LCORL: variants seen among roughly 807,000 people sequenced by gnomAD.
The protein encoded by LCORL is ligand-dependent nuclear receptor corepressor-like protein.
Under a neutral mutation model 141.8 loss-of-function variants are expected in LCORL, and 41 were observed. The ratio of observed to expected loss-of-function variants is 0.29; its 90% confidence interval spans 0.23 to 0.38. The LOEUF is 0.38. Among genes scored for constraint, LCORL ranks in the 10% least tolerant of loss-of-function variants. The pLI is 1.00. For synonymous variants in LCORL, 618 were observed against 694.1 expected, an observed-to-expected ratio of 0.89 and a Z score of 1.72; for missense variants, 1,759 against 2,035.0, an observed-to-expected ratio of 0.86 and a Z score of 2.61.
At position 18,021,475 on chromosome 4, in the gene LCORL, T is replaced by TCTCGCTCCCCC; in HGVS notation, c.154+112_154+122dup. ...GGGCCGCCGCGCCGCGCCGCTCCCATCTCGCTCCCCCACCGAACTAACCCG... is the reference window on the plus strand; with the variant it reads ...GGGCCGCCGCGCCGCGCCGCTCCCATCTCGCTCCCCCCTCGCTCCCCCACCGAACTAACCCG... On this transcript the variant is annotated intron_variant, in intron 1 of 7. Coordinates refer to ENST00000635767, the Ensembl canonical transcript of LCORL. The surrounding 1 kb of genome is among the most constrained non-coding windows in gnomAD (Gnocchi z 5.5). 1.3e-6 allele frequency: 1 copy of TCTCGCTCCCCC among 771,912 alleles called. No homozygotes were observed. The highest frequency in any genetic ancestry group is 1.9e-6 in the Non-Finnish European group (1 of 529,876). 47.8% of individuals were successfully genotyped at this position (771,912 alleles called of 1,614,324 possible). A position where few individuals can be genotyped will look rare whatever the true frequency, so the allele number is the denominator to read the frequency against.
chr4:17,876,813 G>C, exon 7 of LCORL: 2 of 1,230,638 alleles, frequency 1.6e-6, no homozygotes, highest in Non-Finnish European at 2.0e-6. Context: ...CATTTTCTCA[G>C]GGGAAGTTGT....
At chr4:17,926,095 A>G (rs1199681916) in intron 4 of LCORL, among the ~76,000 whole-genome samples, 2 of 152,126 alleles carry the variant, frequency 1.3e-5, no homozygotes, top group African/African-American at 4.8e-5. Context: ...AGGCATAATT[A>G]TTACATTACT....
exon 8 of LCORL, chr4:17,842,181 C>G (rs1722475071): frequency 4.4e-6 from 3 of 688,740 alleles, no homozygotes; most frequent in Non-Finnish European, 5.0e-6. Flanking sequence ...ATGGCTAGAA[C>G]AAGTAGGAGA....
chr4:17,885,025 A>T (rs1396321590), intron 6 of LCORL, among the ~76,000 whole-genome samples: 1 of 151,964 alleles, frequency 6.6e-6, no homozygotes, highest in Non-Finnish European at 1.5e-5. Context: ...TATTCTCATG[A>T]TGTTGCTATT....
chr4:18,001,849 AT>A (rs563707894), intron 1 of LCORL, among the ~76,000 whole-genome samples: 243 of 152,200 alleles, frequency 1.6e-3, no homozygotes, highest in Non-Finnish European at 2.6e-3. Context: ...AATAAAACAA[AT>A]TTTTTTTAAA....
chr4:17,908,504 A>G (rs893701178), intron 5 of LCORL, among the ~76,000 whole-genome samples: 1 of 152,176 alleles, frequency 6.6e-6, no homozygotes, highest in Non-Finnish European at 1.5e-5. Flanking sequence ...AGTCCTTCGC[A>G]CACACTTAAA....
intron 4 of LCORL, among the ~76,000 whole-genome samples, chr4:17,925,930 T>C (rs531309615): frequency 1.3e-5 from 2 of 151,176 alleles, no homozygotes; most frequent in African/African-American, 4.9e-5. Context: ...TGTATACACT[T>C]GTACTAAGAA....
exon 8 of LCORL, chr4:17,842,341 G>T: frequency 6.2e-7 from 1 of 1,612,150 alleles, no homozygotes; most frequent in Non-Finnish European, 8.5e-7. Flanking sequence ...CAGCTAGGAC[G>T]AACAGGAGGT....
In LCORL at chr4:17,970,769, T is replaced by G. The variant is rs1198741553; in HGVS notation, c.220+2051A>C. On this transcript the variant is annotated intron_variant, in intron 2 of 7. Coordinates refer to ENST00000635767, the Ensembl canonical transcript of LCORL. The stretch of plus-strand genomic sequence containing the variant: ...TCTCTGAAAACCTCATGGGAAAGAC[T>G]GAAAACATGCTATGTTCCTATATTC... 2.0e-5 allele frequency among the ~76,000 whole-genome samples: 3 copies of G among 152,226 alleles called. No homozygotes were observed. The East Asian group carries it at 5.8e-4, about 29-fold the overall frequency.
At chr4:17,972,792 A>T (rs1716231045) in intron 2 of LCORL, 28 bp downstream of exon 2, 1 of 1,236,090 alleles carries the variant, frequency 8.1e-7, no homozygotes, top group Non-Finnish European at 1.1e-6. Context: ...GGGAAATGAC[A>T]ACTTTTAAAT....
intron 2 of LCORL, among the ~76,000 whole-genome samples, chr4:17,972,353 C>T (rs1468566669): frequency 6.6e-6 from 1 of 151,690 alleles, no homozygotes; most frequent in Non-Finnish European, 1.5e-5. Context: ...CCAATATTCA[C>T]GTGTTTCACT....
chr4:17,977,383 A>G (rs527379868), intron 1 of LCORL, among the ~76,000 whole-genome samples: 5 of 152,288 alleles, frequency 3.3e-5, no homozygotes, highest in South Asian at 2.1e-4. Context: ...GAAAGTTACC[A>G]TGGCTGATTC....
chr4:18,010,951 C>A (rs572872313), intron 1 of LCORL, among the ~76,000 whole-genome samples: 3 of 152,114 alleles, frequency 2.0e-5, no homozygotes, highest in Non-Finnish European at 4.4e-5. Flanking sequence ...CCTCTTTTTA[C>A]CCTTAGCTAG....
At chr4:17,882,065 A>T (rs1727647879) in intron 6 of LCORL, 1 of 984,244 alleles carries the variant, frequency 1.0e-6, no homozygotes. Context: ...TCAGAGACCA[A>T]ATAACTGCTT....
chr4:17,877,550 T>C lies in LCORL; in HGVS notation c.1440A>G (p.Thr480=). Residue 480 remains threonine, a synonymous_variant, in exon 7 of 8, where the codon ACA becomes ACG. Transcript: ENST00000635767. Reference sequence around the variant, plus strand: ...TCTTATTGCTGCTGATTTCTGCTGGTGTGAGAGATGGAGGCTGGTTAATGT... The same window carrying C: ...TCTTATTGCTGCTGATTTCTGCTGGCGTGAGAGATGGAGGCTGGTTAATGT... The C allele has an allele frequency of 2.4e-6, 3 of 1,230,526 alleles. No homozygotes were observed. In the South Asian group the frequency reaches 1.2e-4, roughly 51 times the overall value. The allele number at this position is 1,230,526 out of a possible 1,614,324, so 76.2% of individuals were successfully genotyped here. A position where few individuals can be genotyped will look rare whatever the true frequency, so the allele number is the denominator to read the frequency against.
intron 2 of LCORL, among the ~76,000 whole-genome samples, chr4:17,967,334 A>G (rs908350721): frequency 4.6e-5 from 7 of 152,154 alleles, no homozygotes; most frequent in African/African-American, 1.7e-4. Context: ...ATAATGATGG[A>G]TCAATGACAC....
At chr4:17,853,049 ATTTTTT>A (rs67695626) in intron 7 of LCORL, among the ~76,000 whole-genome samples, 1,596 of 125,162 alleles carry the variant, frequency 0.013, 25 homozygotes, top group African/African-American at 0.037. Context: ...TAAAAGCTTG[ATTTTTT>A]TTTTTTTTTT....
chr4:17,900,603 T>A (rs1382740739), intron 5 of LCORL, among the ~76,000 whole-genome samples: 1 of 151,948 alleles, frequency 6.6e-6, no homozygotes, highest in Non-Finnish European at 1.5e-5. Context: ...TTGGAAAAAG[T>A]AACAATTAAC....
At chr4:17,874,889 T>C (rs1726749244) in exon 7 of LCORL, 1 of 1,233,848 alleles carries the variant, frequency 8.1e-7, no homozygotes, top group Non-Finnish European at 1.0e-6. Flanking sequence ...GACTTTTATT[T>C]TTCTGCAAAT....
Sources: allele counts gnomAD v4.1 joint callset (sites outside exome capture counted in the v4.1 genomes callset), GRCh38; gene constraint gnomAD v4.1.1; non-coding constraint Gnocchi (gnomAD v3.1); transcripts MANE v1.5; gene names NCBI Gene and HGNC (gene_info 2026-07-23, HGNC 2026-07-21).